The following PALM2AKAP2 variants were observed in gnomAD, a reference collection of about 807,000 sequenced individuals.
PALM2AKAP2 encodes the protein PALM2-AKAP2 fusion protein.
Under a neutral mutation model 71.5 loss-of-function variants are expected in PALM2AKAP2, and 37 were observed. That is an observed-to-expected ratio of 0.52 (90% confidence interval 0.40 to 0.68). The LOEUF (loss-of-function observed/expected upper bound fraction) is 0.68. Ranked by LOEUF, PALM2AKAP2 falls within the 30% of genes least tolerant of loss-of-function variation. The pLI, the probability that PALM2AKAP2 is intolerant of heterozygous loss-of-function variation, is 0.00. For missense variants in PALM2AKAP2, 1,224 were observed against 1,191.8 expected (o/e 1.03, Z -0.40); for synonymous variants, 468 against 478.8 (o/e 0.98, Z 0.29).
intron 1 of PALM2AKAP2, among the ~76,000 whole-genome samples, chr9:109,675,987 G>A (rs904801191): frequency 2.0e-5 from 3 of 152,088 alleles, no homozygotes; most frequent in Non-Finnish European, 4.4e-5. Flanking sequence ...AATATCGAAA[G>A]ATACCAAAAA....
chr9:110,017,747 A>T lies in PALM2AKAP2; in HGVS notation c.582+1708A>T, dbSNP rs1486621981. On this transcript the variant is annotated intron_variant, in intron 7 of 9. Coordinates refer to the PALM2AKAP2 transcript ENST00000302798. ...CATATTCCTTTTTTTTTTTTTTTTT[A>T]AGACGGAGTCTTGCTGTGTCGCCAG... is the stretch of plus-strand genomic sequence containing the variant. Among the ~76,000 whole-genome samples the T allele has an allele frequency of 4.1e-5, 6 of 148,012 alleles. No individual in the cohort carries two copies. In the East Asian group the frequency reaches 9.8e-4, roughly 24 times the overall value.
At chr9:109,748,829 T>A (rs1006127820) in intron 1 of PALM2AKAP2, among the ~76,000 whole-genome samples, 1 of 152,146 alleles carries the variant, frequency 6.6e-6, no homozygotes, top group South Asian at 2.1e-4. Context: ...TTCTGAGGCC[T>A]CTCTCTTTGG....
chr9:109,884,312 A>C (rs1307031797), intron 3 of PALM2AKAP2, among the ~76,000 whole-genome samples: 1 of 152,126 alleles, frequency 6.6e-6, no homozygotes, highest in East Asian at 1.9e-4. Flanking sequence ...AAATACAAAA[A>C]TTAGATGAGT....
intron 2 of PALM2AKAP2, among the ~76,000 whole-genome samples, chr9:110,151,727 ATAAACT>A (rs1323036119): frequency 1.3e-5 from 2 of 152,228 alleles, no homozygotes; most frequent in East Asian, 1.9e-4. Context: ...CGTTTATGAA[ATAAACT>A]TAAACGTTTC....
At chr9:110,154,087 T>TA (rs1836388752) in intron 2 of PALM2AKAP2, among the ~76,000 whole-genome samples, 1 of 152,204 alleles carries the variant, frequency 6.6e-6, no homozygotes, top group African/African-American at 2.4e-5. Flanking sequence ...ATGCATGAAA[T>TA]TGTTCATCTC....
At chr9:109,955,506 C>G (rs1227245003) in intron 6 of PALM2AKAP2, among the ~76,000 whole-genome samples, 3 of 152,170 alleles carry the variant, frequency 2.0e-5, no homozygotes, top group South Asian at 2.1e-4. Flanking sequence ...CATGTTCCTT[C>G]TTAGCAAAAA....
chr9:109,995,416 A>G (rs1389262086), intron 6 of PALM2AKAP2, among the ~76,000 whole-genome samples: 2 of 152,240 alleles, frequency 1.3e-5, no homozygotes, highest in African/African-American at 4.8e-5. Context: ...CAAGGAATGC[A>G]GTTGAGGTGG....
At chr9:109,678,930 T>C (rs1447663357) in intron 1 of PALM2AKAP2, among the ~76,000 whole-genome samples, 4 of 152,174 alleles carry the variant, frequency 2.6e-5, no homozygotes, top group Non-Finnish European at 5.9e-5. Flanking sequence ...TCATATTCCT[T>C]TGAGGTGAGA....
In PALM2AKAP2 at chr9:110,136,319, G is replaced by A. The variant is rs139544328; in HGVS notation, c.349G>A (p.Ala117Thr). ...CCCACATCCCATGGACCATCCCTCC[G>A]CTTTCTATTCACCCCCGCATAATGG... Residue 117 changes from alanine to threonine, a missense_variant, in exon 2 of 4, where the codon GCT becomes ACT. By Grantham distance (58) the Ala-to-Thr change is moderately conservative (BLOSUM62 0). Coordinates refer to ENST00000374525, the Ensembl canonical transcript of PALM2AKAP2. The A allele has an allele frequency of 1.8e-4, 294 of 1,614,060 alleles. 2 individuals carry two copies. In the Middle Eastern group the frequency reaches 3.6e-3, roughly 20 times the overall value.
chr9:109,917,181 C>T (rs1046474865), intron 3 of PALM2AKAP2, among the ~76,000 whole-genome samples: 4 of 152,216 alleles, frequency 2.6e-5, no homozygotes, highest in African/African-American at 9.6e-5. Flanking sequence ...GAGGAAGGGA[C>T]CCACAAGGCA....
At chr9:109,917,614 G>A (rs1018832507) in intron 3 of PALM2AKAP2, among the ~76,000 whole-genome samples, 1 of 150,236 alleles carries the variant, frequency 6.7e-6, no homozygotes, top group Non-Finnish European at 1.5e-5. Flanking sequence ...TTAGCCTCCA[G>A]AGTAGCTAGA....
chr9:110,113,877 C>T (rs1317910097), intron 1 of PALM2AKAP2, among the ~76,000 whole-genome samples: 3 of 152,162 alleles, frequency 2.0e-5, no homozygotes, highest in Non-Finnish European at 4.4e-5. Context: ...GGGCAACCCA[C>T]CTCTGAGAAG....
chr9:110,132,651 C>T (rs1268831577), intron 1 of PALM2AKAP2, among the ~76,000 whole-genome samples: 1 of 151,484 alleles, frequency 6.6e-6, no homozygotes. Context: ...AGTCTCACTT[C>T]CTCACCCAGA....
intron 6 of PALM2AKAP2, among the ~76,000 whole-genome samples, chr9:109,941,724 T>C (rs1437519291): frequency 6.6e-6 from 1 of 152,130 alleles, no homozygotes; most frequent in Non-Finnish European, 1.5e-5. Context: ...CAAGAGTCTA[T>C]AGGACAGGAA....
chr9:110,115,400 A>G (rs542696626), intron 1 of PALM2AKAP2, among the ~76,000 whole-genome samples: 20 of 152,302 alleles, frequency 1.3e-4, no homozygotes, highest in African/African-American at 4.8e-4. Context: ...AGAGAGTGGC[A>G]TCCGTTTGCT....
chr9:109,672,665 G>A (rs1019993627), intron 1 of PALM2AKAP2, among the ~76,000 whole-genome samples: 10 of 152,096 alleles, frequency 6.6e-5, no homozygotes, highest in Non-Finnish European at 4.4e-5. Flanking sequence ...TTTGGGAATA[G>A]TTTTAGTAGA....
chr9:110,030,541 T>C (rs1410366628), intron 7 of PALM2AKAP2, among the ~76,000 whole-genome samples: 1 of 152,164 alleles, frequency 6.6e-6, no homozygotes, highest in Non-Finnish European at 1.5e-5. Context: ...AGGTTCAGAA[T>C]ATCAAAGCAT....
At chr9:109,998,137 G>A (rs1235759355) in intron 6 of PALM2AKAP2, among the ~76,000 whole-genome samples, 1 of 152,194 alleles carries the variant, frequency 6.6e-6, no homozygotes, top group Non-Finnish European at 1.5e-5. Context: ...TTGTGATCAA[G>A]CAAGATGATT....
At chr9:109,960,581 T>C (rs1831836394) in intron 6 of PALM2AKAP2, among the ~76,000 whole-genome samples, 1 of 152,108 alleles carries the variant, frequency 6.6e-6, no homozygotes, top group South Asian at 2.1e-4. Flanking sequence ...AATTTAAGTC[T>C]AGTCTGCACA....
Sources: gnomAD v4.1 joint callset for allele counts (sites outside exome capture counted in the v4.1 genomes callset) on GRCh38, gnomAD v4.1.1 for gene constraint, MANE v1.5 for transcripts, NCBI Gene and HGNC (gene_info 2026-07-23, HGNC 2026-07-21) for gene names.